SORCS1: variants seen among roughly 807,000 people sequenced by gnomAD.
SORCS1 encodes the protein VPS10 domain-containing receptor SorCS1.
A neutral mutation model predicts 146.1 loss-of-function variants in SORCS1; 60 were observed. That is an observed-to-expected ratio of 0.41 (90% CI 0.33 to 0.51). The LOEUF is 0.51. Among genes scored for constraint, SORCS1 ranks in the 20% least tolerant of loss-of-function variants. SORCS1 has a pLI of 0.21. For synonymous variants in SORCS1, 637 were observed against 584.0 expected (o/e 1.09, Z -1.31); for missense variants, 1,352 against 1,487.6 (o/e 0.91, Z 1.50).
the SORCS1 span, among the ~76,000 whole-genome samples, chr10:107,175,656 A>G: frequency 6.6e-6 from 1 of 152,028 alleles, no homozygotes; most frequent in African/African-American, 2.4e-5. Flanking sequence ...GGCTGGTCTC[A>G]AACTCCTGAT....
intron 3 of SORCS1, among the ~76,000 whole-genome samples, chr10:106,780,136 T>C (rs1860779099): frequency 6.6e-6 from 1 of 152,228 alleles, no homozygotes; most frequent in Non-Finnish European, 1.5e-5. Context: ...ATAATAAATA[T>C]GATCCAGTCT....
At chr10:106,773,806 A>G (rs1860212793) in intron 4 of SORCS1, among the ~76,000 whole-genome samples, 1 of 152,076 alleles carries the variant, frequency 6.6e-6, no homozygotes, top group African/African-American at 2.4e-5. Flanking sequence ...AAAATTAGCC[A>G]GGCGTGGTGG....
intron 1 of SORCS1, among the ~76,000 whole-genome samples, chr10:107,149,348 A>T (rs1249382562): frequency 6.6e-6 from 1 of 152,150 alleles, no homozygotes; most frequent in Non-Finnish European, 1.5e-5. Context: ...ACTGGAGTGG[A>T]ATATTCTATT....
At chr10:106,905,096 A>G (rs1039937112) in intron 2 of SORCS1, among the ~76,000 whole-genome samples, 2 of 152,234 alleles carry the variant, frequency 1.3e-5, no homozygotes, top group African/African-American at 2.4e-5. Flanking sequence ...GTAGAAAAAT[A>G]ACCACAATTC....
At chr10:106,646,699 T>A (rs1050059861) in intron 18 of SORCS1, among the ~76,000 whole-genome samples, 4 of 151,904 alleles carry the variant, frequency 2.6e-5, no homozygotes, top group East Asian at 1.9e-4. Context: ...TCAAAAAAAA[T>A]AAATAAATAC....
intron 6 of SORCS1, among the ~76,000 whole-genome samples, chr10:106,718,887 CGTTT>C (rs1455368405): frequency 5.3e-5 from 8 of 151,290 alleles, no homozygotes; most frequent in Non-Finnish European, 5.9e-5. Flanking sequence ...CTGATTGGTG[CGTTT>C]ACAAACCTTT....
intron 5 of SORCS1, among the ~76,000 whole-genome samples, chr10:106,739,590 C>G (rs559770435): frequency 3.3e-5 from 5 of 151,890 alleles, no homozygotes; most frequent in Non-Finnish European, 7.4e-5. Flanking sequence ...AGGTGGATCA[C>G]GAGGTCAGAA....
chr10:106,603,349 T>C (rs1379329370), intron 23 of SORCS1, among the ~76,000 whole-genome samples: 3 of 152,118 alleles, frequency 2.0e-5, no homozygotes, highest in Admixed American at 6.5e-5. Flanking sequence ...AGATCCCAAA[T>C]AAAGGCTGGT....
intron 2 of SORCS1, among the ~76,000 whole-genome samples, chr10:106,842,932 A>G (rs1949116449): frequency 6.6e-6 from 1 of 152,144 alleles, no homozygotes; most frequent in South Asian, 2.1e-4. Context: ...GAGTTTTAAT[A>G]GTTATGTGCA....
intron 19 of SORCS1, among the ~76,000 whole-genome samples, chr10:106,625,088 T>G (rs1387716979): frequency 6.6e-5 from 10 of 152,154 alleles, no homozygotes; most frequent in Admixed American, 6.5e-5. Context: ...GGAAAGGTGG[T>G]TGAGAGAAAT....
chr10:107,128,119 T>A (rs1349317845), intron 1 of SORCS1, among the ~76,000 whole-genome samples: 1 of 152,226 alleles, frequency 6.6e-6, no homozygotes, highest in East Asian at 1.9e-4. Flanking sequence ...AAGTATAAGG[T>A]CTTACAATCT....
In SORCS1 at chr10:106,878,646, A is replaced by ATATATATATATATATATATATATATT. The variant is rs1200849744; in HGVS notation, c.627-48974_627-48973insAATATATATATATATATATATATATA. Among the ~76,000 whole-genome samples, 430 of 117,748 alleles carry ATATATATATATATATATATATATATT rather than the reference A, an allele frequency of 3.7e-3. 26 individuals carry two copies. Among genetic ancestry groups the ATATATATATATATATATATATATATT allele is most frequent in the Middle Eastern group, 0.014 (3 of 214 alleles). 77.2% of individuals were successfully genotyped at this position (117,748 alleles called of 152,430 possible). Reference sequence around the variant, plus strand: ...TATATATATATATATATATATATATATATTTTATAGCAGCCTGAATGGACT... The same window carrying ATATATATATATATATATATATATATT: ...TATATATATATATATATATATATATATATATATATATATATATATATATATTTATTTTATAGCAGCCTGAATGGACT... On this transcript the variant is annotated intron_variant, in intron 2 of 25. Transcript: ENST00000263054.
At chr10:106,619,165 G>T (rs898922358) in intron 20 of SORCS1, among the ~76,000 whole-genome samples, 9 of 152,128 alleles carry the variant, frequency 5.9e-5, no homozygotes, top group African/African-American at 1.7e-4. Context: ...ACAATAGGGG[G>T]TACAAAAGGA....
At chr10:106,640,907 T>C (rs1849030600) in intron 18 of SORCS1, among the ~76,000 whole-genome samples, 1 of 152,244 alleles carries the variant, frequency 6.6e-6, no homozygotes. Context: ...TCTCTACTCC[T>C]CTTCCAGTTG....
At position 106,750,728 on chromosome 10, in the gene SORCS1, C is replaced by CAAAAAAAAAAAAAAAAAAAAAAAAA. The variant is rs572295853; in HGVS notation, c.959+10835_959+10859dup. Among the ~76,000 whole-genome samples the CAAAAAAAAAAAAAAAAAAAAAAAAA allele has an allele frequency of 8.3e-5, 2 of 24,020 alleles. 1 individual carries two copies. The highest frequency in any genetic ancestry group is 1.5e-4 in the Non-Finnish European group (2 of 13,670). The allele number at this position is 24,020 out of a possible 152,430, so 15.8% of individuals were successfully genotyped here. ...TGGGCGACAGGGTGAGACTCCCTCT[C>CAAAAAAAAAAAAAAAAAAAAAAAAA]AAAAAAAAAAAAAAAAAAAAAAAAA... On this transcript the variant is annotated intron_variant, in intron 5 of 25. Transcript: ENST00000263054.
intron 2 of SORCS1, among the ~76,000 whole-genome samples, chr10:106,920,080 C>T (rs1952636944): frequency 6.6e-6 from 1 of 152,122 alleles, no homozygotes; most frequent in Non-Finnish European, 1.5e-5. Flanking sequence ...ATCATCACTT[C>T]CCAAAAAAGA....
rs77118388 is a variant in SORCS1, at chr10:106,895,709, A to G, written c.626+60804T>C. The stretch of plus-strand genomic sequence containing the variant: ...GAGACTACAAAACGGTACAACCACT[A>G]TGGAAAATGGTATGGAGGTTCCTTA... On this transcript the variant is annotated intron_variant, in intron 2 of 25. Transcript: ENST00000263054. 4.1e-3 allele frequency among the ~76,000 whole-genome samples: 619 copies of G among 152,340 alleles called. 7 individuals carry two copies. Among genetic ancestry groups the G allele is most frequent in the African/African-American group, 0.015 (609 of 41,582 alleles).
At chr10:107,149,592 T>C (rs145137380) in intron 1 of SORCS1, among the ~76,000 whole-genome samples, 1 of 152,344 alleles carries the variant, frequency 6.6e-6, no homozygotes, top group African/African-American at 2.4e-5. Flanking sequence ...AGTGATGCTT[T>C]AAAATGGTTT....
At chr10:107,061,468 G>A (rs138810401) in intron 1 of SORCS1, among the ~76,000 whole-genome samples, 238 of 152,144 alleles carry the variant, frequency 1.6e-3, no homozygotes, top group African/African-American at 5.3e-3. Context: ...CAGGTTTTTC[G>A]ACATCTCTTA....
Sources: allele counts gnomAD v4.1 joint callset (sites outside exome capture counted in the v4.1 genomes callset), GRCh38; gene constraint gnomAD v4.1.1; transcripts MANE v1.5; gene names NCBI Gene and HGNC (gene_info 2026-07-23, HGNC 2026-07-21).